RAB27B: variants seen among roughly 807,000 people sequenced by gnomAD.
RAB27B encodes RAB27B, member RAS oncogene family, also known as ras-related protein Rab-27B.
A neutral mutation model predicts 24.6 loss-of-function variants in RAB27B; 15 were observed. The ratio of observed to expected loss-of-function variants is 0.61; its 90% CI spans 0.41 to 0.94. The LOEUF is 0.94. RAB27B is among the 40% of genes least tolerant of loss of function. The pLI, the probability that RAB27B is intolerant of heterozygous loss-of-function variation, is 0.00. For missense variants in RAB27B, 261 were observed against 266.8 expected, an observed-to-expected ratio of 0.98 and a Z score of 0.15; for synonymous variants, 105 against 92.5, an observed-to-expected ratio of 1.14 and a Z score of -0.78.
At chr18:54,804,152 T>G (rs1909693906) in intron 2 of RAB27B, among the ~76,000 whole-genome samples, 1 of 152,206 alleles carries the variant, frequency 6.6e-6, no homozygotes, top group Admixed American at 6.5e-5. Flanking sequence ...ATGAGATGCC[T>G]ATGCACATTA....
chr18:54,803,930 G>A (rs551579507), intron 2 of RAB27B, among the ~76,000 whole-genome samples: 5 of 152,220 alleles, frequency 3.3e-5, no homozygotes, highest in Admixed American at 3.3e-4. Flanking sequence ...TTTTGGAAGT[G>A]ACTTTATTAA....
upstream of RAB27B, among the ~76,000 whole-genome samples, chr18:54,827,352 T>C (rs2014237): frequency 0.72 from 110,118 of 152,180 alleles, 40,193 homozygotes; most frequent in Middle Eastern, 0.85. Context: ...AATAACACTA[T>C]GAAGACATTA....
At position 54,889,579 on chromosome 18, in the gene RAB27B, G is replaced by T; in HGVS notation, c.*166G>T. On this transcript the variant is annotated 3_prime_UTR_variant, in exon 6 of 6. Coordinates refer to ENST00000262094, the MANE Select transcript of RAB27B (RefSeq NM_004163.4). ...CCAGAATAGTCAACAGTGTTCAAAAGAATTGACTAGTTATCCCTGAGGCCC... is the reference window on the plus strand; with the variant it reads ...CCAGAATAGTCAACAGTGTTCAAAATAATTGACTAGTTATCCCTGAGGCCC... 1 of 613,472 alleles carries T rather than the reference G, an allele frequency of 1.6e-6. No individual in the cohort carries two copies. Among genetic ancestry groups the T allele is most frequent in the East Asian group, 3.0e-5 (1 of 33,572 alleles). The allele number at this position is 613,472 out of a possible 1,614,324, so 38.0% of individuals were successfully genotyped here.
At chr18:54,833,629 G>A (rs1313694752) in intron 1 of RAB27B, among the ~76,000 whole-genome samples, 1 of 152,206 alleles carries the variant, frequency 6.6e-6, no homozygotes, top group Non-Finnish European at 1.5e-5. Flanking sequence ...AGAAGTTATT[G>A]TGACTGCAAA....
intron 2 of RAB27B, among the ~76,000 whole-genome samples, chr18:54,820,564 G>A (rs1463958524): frequency 6.6e-6 from 1 of 152,062 alleles, no homozygotes; most frequent in Non-Finnish European, 1.5e-5. Context: ...CATTTTGTAG[G>A]TTGCCTGTTC....
upstream of RAB27B, among the ~76,000 whole-genome samples, chr18:54,825,108 A>G (rs565267951): frequency 9.8e-4 from 149 of 152,334 alleles, 1 homozygote; most frequent in African/African-American, 3.4e-3. Context: ...TTCTAAGTTC[A>G]AAATAATTTC....
intron 1 of RAB27B, among the ~76,000 whole-genome samples, chr18:54,863,519 A>G (rs927677321): frequency 1.3e-5 from 2 of 152,336 alleles, no homozygotes; most frequent in East Asian, 3.9e-4. Flanking sequence ...TTATTGAAAT[A>G]TAATTCATGT....
chr18:54,783,070 G>T (rs952371195), intron 2 of RAB27B, among the ~76,000 whole-genome samples: 1 of 151,890 alleles, frequency 6.6e-6, no homozygotes, highest in Non-Finnish European at 1.5e-5. Context: ...CGATTCTTCC[G>T]CCTCAGCCTC....
intron 2 of RAB27B, among the ~76,000 whole-genome samples, chr18:54,766,488 A>C (rs1431183164): frequency 2.0e-5 from 3 of 151,676 alleles, no homozygotes; most frequent in Non-Finnish European, 4.4e-5. Context: ...TTTTTTTTTA[A>C]GTTTTTTTGT....
chr18:54,725,835 T>G (rs1422889317), intron 2 of RAB27B, among the ~76,000 whole-genome samples: 1 of 151,626 alleles, frequency 6.6e-6, no homozygotes, highest in South Asian at 2.1e-4. Context: ...GAGATTTGGG[T>G]GGGGACACAG....
chr18:54,728,481 CTG>C (rs1305453027), intron 2 of RAB27B, among the ~76,000 whole-genome samples: 1 of 152,132 alleles, frequency 6.6e-6, no homozygotes, highest in Non-Finnish European at 1.5e-5. Context: ...ATAGAGCAAA[CTG>C]GGAAAATTAT....
intron 2 of RAB27B, among the ~76,000 whole-genome samples, chr18:54,786,633 G>GT (rs1375361254): frequency 6.6e-6 from 1 of 152,148 alleles, no homozygotes; most frequent in African/African-American, 2.4e-5. Flanking sequence ...TATTCTATAA[G>GT]TTCTTTAAAT....
At position 54,877,692 on chromosome 18, in the gene RAB27B, C is replaced by T; in HGVS notation, c.107C>T (p.Pro36Leu). The T allele has an allele frequency of 6.3e-7, 1 of 1,597,374 alleles. No homozygotes were observed. The highest frequency in any genetic ancestry group is 8.5e-7 in the Non-Finnish European group (1 of 1,175,608). Residue 36 changes from proline to leucine, a missense_variant, in exon 2 of 6, where the codon CCC becomes CTC. Coordinates refer to ENST00000262094, the MANE Select transcript of RAB27B (RefSeq NM_004163.4). Reference sequence around the variant, plus strand: ...AGATACACAGATAATAAATTCAATCCCAAATTCATCACTACAGTAGGAATA... The same window carrying T: ...AGATACACAGATAATAAATTCAATCTCAAATTCATCACTACAGTAGGAATA... ...LYRYTDNKFNPKFITTVGIDF... is the reference protein window; with the variant it reads ...LYRYTDNKFNLKFITTVGIDF...
chr18:54,788,618 G>A (rs148275356), intron 2 of RAB27B, among the ~76,000 whole-genome samples: 2 of 152,260 alleles, frequency 1.3e-5, no homozygotes, highest in African/African-American at 4.8e-5. Flanking sequence ...TGACTTTTGA[G>A]AACAACAAGT....
At chr18:54,802,788 C>T (rs1234929884) in intron 2 of RAB27B, among the ~76,000 whole-genome samples, 6 of 152,120 alleles carry the variant, frequency 3.9e-5, no homozygotes, top group African/African-American at 1.4e-4. Context: ...GGACCAGGGT[C>T]ATTCTGTGAA....
At chr18:54,823,121 A>T (rs35591469) in intron 2 of RAB27B, among the ~76,000 whole-genome samples, 2,365 of 152,348 alleles carry the variant, frequency 0.016, 66 homozygotes, top group Admixed American at 0.063. Context: ...TGAGCTACAC[A>T]TTTAAAGTAA....
rs1041805816 is a variant in RAB27B at position 54,891,883 on chromosome 18, G to C, written c.*2470G>C. On this transcript the variant is annotated 3_prime_UTR_variant, in exon 6 of 6. Coordinates refer to ENST00000262094, the MANE Select transcript of RAB27B (RefSeq NM_004163.4). ...AAGAGGAATGAGAAGTGACAAAATTGATTTAAAATATTGTTCTACTTATAA... is the reference window on the plus strand; with the variant it reads ...AAGAGGAATGAGAAGTGACAAAATTCATTTAAAATATTGTTCTACTTATAA... The C allele has an allele frequency of 6.6e-6, 1 of 151,970 alleles. No individual in the cohort carries two copies. Among genetic ancestry groups the C allele is most frequent in the Admixed American group, 6.6e-5 (1 of 15,232 alleles). 9.4% of individuals were successfully genotyped at this position (151,970 alleles called of 1,614,324 possible).
At chr18:54,864,278 C>A (rs1051309710) in intron 1 of RAB27B, among the ~76,000 whole-genome samples, 5 of 152,148 alleles carry the variant, frequency 3.3e-5, no homozygotes, top group African/African-American at 1.2e-4. Context: ...GTCTTCTTTT[C>A]ACGTACCATT....
intron 3 of RAB27B, among the ~76,000 whole-genome samples, chr18:54,882,293 T>C (rs1361480293): frequency 6.6e-6 from 1 of 152,204 alleles, no homozygotes; most frequent in Non-Finnish European, 1.5e-5. Flanking sequence ...ACTGTTTCTT[T>C]CTTTCACTTG....
Sources: allele counts gnomAD v4.1 joint callset (sites outside exome capture counted in the v4.1 genomes callset), GRCh38; gene constraint gnomAD v4.1.1; transcripts MANE v1.5; gene names NCBI Gene and HGNC (gene_info 2026-07-23, HGNC 2026-07-21).